The following GALNT13 variants were observed in gnomAD, a reference collection of about 807,000 sequenced individuals.
GALNT13 encodes the protein UDP-GalNAc:polypeptide N-acetylgalactosaminyltransferase 13.
Under a neutral mutation model 64.2 loss-of-function variants are expected in GALNT13, and 28 were observed. That is an observed-to-expected ratio of 0.44 (90% CI 0.32 to 0.60). The LOEUF (loss-of-function observed/expected upper bound fraction) is 0.60, where lower values mean the gene tolerates loss of function less well. Ranked by LOEUF, GALNT13 falls within the 20% of genes least tolerant of loss-of-function variation. The pLI, the probability that GALNT13 is intolerant of heterozygous loss-of-function variation, is 0.05. For synonymous variants in GALNT13, 214 were observed against 224.6 expected, an observed-to-expected ratio of 0.95 and a Z score of 0.42; for missense variants, 577 against 669.8, an observed-to-expected ratio of 0.86 and a Z score of 1.53.
the GALNT13 span, among the ~76,000 whole-genome samples, chr2:153,359,137 A>G: frequency 6.6e-6 from 1 of 152,196 alleles, no homozygotes; most frequent in Non-Finnish European, 1.5e-5. Context: ...ATTGATGGTA[A>G]TTATCAATGA....
chr2:154,140,265 C>A, intron 3 of GALNT13, 72 bp from the exon 4 acceptor site: 2 of 1,123,654 alleles, frequency 1.8e-6, no homozygotes, highest in Non-Finnish European at 2.6e-6. Flanking sequence ...TCTAATCAGA[C>A]ACACAAGTTT....
the GALNT13 span, among the ~76,000 whole-genome samples, chr2:153,418,119 T>G: frequency 2.6e-5 from 4 of 152,138 alleles, no homozygotes; most frequent in African/African-American, 4.8e-5. Context: ...CCCAATGTAA[T>G]CAGAATACTG....
chr2:154,147,483 T>G (rs987576832), intron 4 of GALNT13, among the ~76,000 whole-genome samples: 1 of 151,254 alleles, frequency 6.6e-6, no homozygotes. Flanking sequence ...GAAGGTGTAT[T>G]TGGAACCAAG....
chr2:153,178,869 G>GA, the GALNT13 span, among the ~76,000 whole-genome samples: 1 of 16,254 alleles, frequency 6.2e-5, no homozygotes, highest in Non-Finnish European at 1.4e-4. Context: ...CCGAGTAGCT[G>GA]GACCAGAGGC....
At chr2:154,063,832 C>T (rs1374746026) in intron 3 of GALNT13, among the ~76,000 whole-genome samples, 2 of 152,102 alleles carry the variant, frequency 1.3e-5, no homozygotes, top group Non-Finnish European at 2.9e-5. Flanking sequence ...CATGGCTGCA[C>T]AGAAGCCTCC....
intron 4 of GALNT13, among the ~76,000 whole-genome samples, chr2:154,168,003 G>C (rs981893403): frequency 6.6e-6 from 1 of 152,204 alleles, no homozygotes; most frequent in African/African-American, 2.4e-5. Flanking sequence ...GCCAAGTCAG[G>C]TGGGGAGGGC....
intron 3 of GALNT13, among the ~76,000 whole-genome samples, chr2:153,979,154 A>G (rs539594927): frequency 2.0e-5 from 3 of 152,276 alleles, no homozygotes; most frequent in Non-Finnish European, 4.4e-5. Context: ...TAGCTATCCA[A>G]GAAAAGCTCA....
At chr2:153,452,689 T>C in the GALNT13 span, among the ~76,000 whole-genome samples, 3 of 152,020 alleles carry the variant, frequency 2.0e-5, no homozygotes, top group African/African-American at 7.3e-5. Flanking sequence ...TGTTAAGATG[T>C]TCATACTGCC....
chr2:153,977,513 G>A (rs945164319), intron 3 of GALNT13, among the ~76,000 whole-genome samples: 9 of 152,064 alleles, frequency 5.9e-5, no homozygotes, highest in Non-Finnish European at 1.0e-4. Context: ...CTCACTATCA[G>A]AAGAACAGGA....
chr2:153,494,116 A>G, the GALNT13 span, among the ~76,000 whole-genome samples: 6 of 152,184 alleles, frequency 3.9e-5, no homozygotes, highest in East Asian at 1.2e-3. Flanking sequence ...CAACTATTGA[A>G]CATCACTGAG....
At chr2:154,446,913 T>C (rs1701609830) in intron 12 of GALNT13, 4 of 778,220 alleles carry the variant, frequency 5.1e-6, no homozygotes, top group Middle Eastern at 8.3e-4. Flanking sequence ...ACTTCCTAGC[T>C]ACTCATTAAT....
chr2:154,032,688 T>A (rs1698412903), intron 3 of GALNT13, among the ~76,000 whole-genome samples: 1 of 151,862 alleles, frequency 6.6e-6, no homozygotes, highest in African/African-American at 2.4e-5. Flanking sequence ...AAAAAGCATT[T>A]GACAAAATTC....
the GALNT13 span, among the ~76,000 whole-genome samples, chr2:153,677,284 TACACACACACACACACACACACACAC>T: frequency 6.9e-6 from 1 of 144,666 alleles, no homozygotes; most frequent in Admixed American, 6.9e-5. Context: ...ACAATAGACA[TACACACACACACACACACACACACAC>T]ACACACACAC....
At chr2:154,235,310 T>C (rs1385734009) in intron 4 of GALNT13, among the ~76,000 whole-genome samples, 2 of 152,168 alleles carry the variant, frequency 1.3e-5, no homozygotes, top group African/African-American at 4.8e-5. Flanking sequence ...AATTATGACA[T>C]AGAAACTTAC....
the GALNT13 span, among the ~76,000 whole-genome samples, chr2:153,210,706 G>A: frequency 2.6e-5 from 4 of 152,164 alleles, no homozygotes; most frequent in African/African-American, 7.2e-5. Flanking sequence ...CAAAGGTTGT[G>A]TCTACATACA....
At chr2:153,195,876 C>T in the GALNT13 span, among the ~76,000 whole-genome samples, 1 of 152,130 alleles carries the variant, frequency 6.6e-6, no homozygotes, top group Non-Finnish European at 1.5e-5. Context: ...GGGGCAGCTC[C>T]TTTCTAGAAC....
At chr2:153,850,475 A>G in the GALNT13 span, among the ~76,000 whole-genome samples, 99 of 152,350 alleles carry the variant, frequency 6.5e-4, no homozygotes, top group African/African-American at 2.3e-3. Context: ...TAAAAACACA[A>G]GAAGTTTTCA....
the GALNT13 span, among the ~76,000 whole-genome samples, chr2:153,311,475 A>G: frequency 1.3e-5 from 2 of 152,224 alleles, no homozygotes; most frequent in Non-Finnish European, 2.9e-5. Flanking sequence ...TATCTCCCAG[A>G]TTCTAGGTCA....
chr2:153,752,712 C>G, the GALNT13 span, among the ~76,000 whole-genome samples: 2 of 152,042 alleles, frequency 1.3e-5, no homozygotes, highest in Admixed American at 1.3e-4. Context: ...TTATTAAATA[C>G]TTTCAGTTAG....
Sources: gnomAD v4.1 joint callset for allele counts (sites outside exome capture counted in the v4.1 genomes callset) on GRCh38, gnomAD v4.1.1 for gene constraint, MANE v1.5 for transcripts, NCBI Gene and HGNC (gene_info 2026-07-23, HGNC 2026-07-21) for gene names.